LINC00632: variants seen among roughly 807,000 people sequenced by gnomAD.
LINC00632 encodes the protein long independently transcribed non-coding RNA 632, also known as ALDOA related specific transcript.
intron 3 of LINC00632, among the ~76,000 whole-genome samples, chrX:140,757,937 C>G (rs1931522418): frequency 9.0e-6 from 1 of 111,625 alleles, no homozygotes; most frequent in African/African-American, 3.3e-5. Context: ...GTACTTGACA[C>G]TGAGTTGGTT....
chrX:140,726,721 T>C (rs1930969323), intron 2 of LINC00632, among the ~76,000 whole-genome samples: 1 of 112,088 alleles, frequency 8.9e-6, no homozygotes, highest in Non-Finnish European at 1.9e-5. Context: ...GATATACGGC[T>C]TCTTCCACAC....
At chrX:140,758,372 CTTTTTTTTT>C (rs35668777) in intron 3 of LINC00632, among the ~76,000 whole-genome samples, 3 of 69,783 alleles carry the variant, frequency 4.3e-5, no homozygotes, top group East Asian at 1.0e-3. Flanking sequence ...CTACATTTTC[CTTTTTTTTT>C]TTTTTTTTTT....
At chrX:140,773,943 CAAATA>C (rs1442407962) in exon 4 of LINC00632, among the ~76,000 whole-genome samples, 1 of 112,283 alleles carries the variant, frequency 8.9e-6, no homozygotes, top group Non-Finnish European at 1.9e-5. Context: ...ATCAGTGAGA[CAAATA>C]AAACAATCAA....
At chrX:140,742,742 C>T (rs1931244094) in intron 3 of LINC00632, among the ~76,000 whole-genome samples, 2 of 107,139 alleles carry the variant, frequency 1.9e-5, no homozygotes, top group Non-Finnish European at 3.8e-5. Context: ...CTCTAAAATA[C>T]GTATATGGAA....
exon 5 of LINC00632, among the ~76,000 whole-genome samples, chrX:140,776,413 G>C (rs1249946953): frequency 8.9e-6 from 1 of 112,825 alleles, no homozygotes; most frequent in Non-Finnish European, 1.9e-5. Context: ...GCCATCTATT[G>C]AAAGTGAGCC....
At chrX:140,709,775 T>A in exon 1 of LINC00632, 1 of 340,497 alleles carries the variant, frequency 2.9e-6, no homozygotes, top group Non-Finnish European at 5.9e-6. Flanking sequence ...ACAGACAGCC[T>A]CAGAGCTGGT....
intron 3 of LINC00632, among the ~76,000 whole-genome samples, chrX:140,770,075 C>T (rs1385904752): frequency 9.0e-6 from 1 of 111,022 alleles, no homozygotes; most frequent in African/African-American, 3.3e-5. Flanking sequence ...CAATTCAAAG[C>T]CAGCAGGAGG....
chrX:140,749,539 C>T (rs1416802365), intron 3 of LINC00632, among the ~76,000 whole-genome samples: 4 of 111,264 alleles, frequency 3.6e-5, no homozygotes, highest in African/African-American at 9.8e-5. Context: ...TATGCAGATT[C>T]TCCAGGGGAG....
intron 3 of LINC00632, among the ~76,000 whole-genome samples, chrX:140,742,435 A>G (rs1931238205): frequency 1.8e-5 from 2 of 111,451 alleles, no homozygotes; most frequent in Admixed American, 9.6e-5. Flanking sequence ...ATTCACGGTT[A>G]ATTTGAGCTT....
At chrX:140,747,916 C>T (rs1288067715) in intron 3 of LINC00632, among the ~76,000 whole-genome samples, 1 of 111,882 alleles carries the variant, frequency 8.9e-6, no homozygotes, top group Non-Finnish European at 1.9e-5. Context: ...CAACCTCCGC[C>T]TCCTGGGTTC....
At chrX:140,734,397 C>G (rs1010305152) in intron 3 of LINC00632, among the ~76,000 whole-genome samples, 37 of 111,416 alleles carry the variant, frequency 3.3e-4, no homozygotes, top group African/African-American at 1.0e-3. Flanking sequence ...AATAAAAATA[C>G]CATACCCATT....
intron 3 of LINC00632, among the ~76,000 whole-genome samples, chrX:140,740,014 C>T (rs1931200309): frequency 8.9e-6 from 1 of 111,941 alleles, no homozygotes; most frequent in African/African-American, 3.2e-5. Flanking sequence ...TCTTAAATAA[C>T]ATTTCATTAT....
chrX:140,783,656 C>A, exon 5 of LINC00632: 3 of 1,210,637 alleles, frequency 2.5e-6, no homozygotes, highest in Non-Finnish European at 3.4e-6. Context: ...AGAAAGAAAT[C>A]CAGGTCTTCC....
chrX:140,784,330 CG>C, exon 5 of LINC00632: 1 of 1,206,600 alleles, frequency 8.3e-7, no homozygotes, highest in East Asian at 3.0e-5. Flanking sequence ...AACAAAGGTA[CG>C]TCTTCCAGAA....
At chrX:140,712,189 T>C (rs1172806829) in intron 2 of LINC00632, 1 of 110,409 alleles carries the variant, frequency 9.1e-6, no homozygotes, top group Admixed American at 9.9e-5. Flanking sequence ...GTTTCAAAAA[T>C]CCTAGGCACA....
chrX:140,747,057 C>A (rs1405696630), intron 3 of LINC00632, among the ~76,000 whole-genome samples: 4 of 111,963 alleles, frequency 3.6e-5, no homozygotes, highest in Non-Finnish European at 7.5e-5. Flanking sequence ...ATTTTCCCTG[C>A]AGTTTCAAAA....
exon 5 of LINC00632, among the ~76,000 whole-genome samples, chrX:140,786,657 TG>T (rs1245538325): frequency 9.0e-6 from 1 of 111,679 alleles, no homozygotes; most frequent in African/African-American, 3.2e-5. Flanking sequence ...ATGTACTTTT[TG>T]GTTTAGTATA....
At chrX:140,715,836 T>C (rs1218110251) in intron 2 of LINC00632, among the ~76,000 whole-genome samples, 2 of 111,423 alleles carry the variant, frequency 1.8e-5, no homozygotes, top group African/African-American at 3.3e-5. Flanking sequence ...TCAATATACA[T>C]ACTTGCCTCA....
At chrX:140,749,305 A>G (rs915492626) in intron 3 of LINC00632, among the ~76,000 whole-genome samples, 7 of 112,148 alleles carry the variant, frequency 6.2e-5, no homozygotes, top group African/African-American at 2.3e-4. Flanking sequence ...TAAAGAATAT[A>G]AAACTTTTTA....
Sources: gnomAD v4.1 joint callset for allele counts (sites outside exome capture counted in the v4.1 genomes callset) on GRCh38, gnomAD v4.1.1 for gene constraint, MANE v1.5 for transcripts, NCBI Gene and HGNC (gene_info 2026-07-23, HGNC 2026-07-21) for gene names.